Variants in FAM168B observed in about 807,000 individuals in gnomAD.
The protein encoded by FAM168B is myelin-associated neurite-outgrowth inhibitor.
A neutral mutation model predicts 21.8 loss-of-function variants in FAM168B; 19 were observed. The ratio of observed to expected loss-of-function variants is 0.87; its 90% confidence interval spans 0.61 to 1.28. The LOEUF is 1.28. Ranked by LOEUF, FAM168B falls within the 50% of genes most tolerant of loss-of-function variation. The pLI is 0.00. For synonymous variants in FAM168B, 126 were observed against 104.8 expected (o/e 1.20, Z -1.24); for missense variants, 233 against 263.1 (o/e 0.89, Z 0.79).
intron 1 of FAM168B, among the ~76,000 whole-genome samples, chr2:131,084,049 T>C (rs1693558009): frequency 6.6e-6 from 1 of 151,730 alleles, no homozygotes; most frequent in Non-Finnish European, 1.5e-5. Context: ...ACTACAGGCG[T>C]GCGCCACCAC....
chr2:131,052,213 C>CT lies in FAM168B; in HGVS notation c.*251dup. On this transcript the variant is annotated 3_prime_UTR_variant, in exon 7 of 7. Coordinates refer to ENST00000389915, the MANE Select transcript of FAM168B (RefSeq NM_001009993.4). ...ATGATTCAGAATAGATTAATACTCC[C>CT]TTTTTATCATTACAGTTAGCTAAAA... 2 of 985,790 alleles carry CT rather than the reference C, an allele frequency of 2.0e-6. No individual in the cohort carries two copies. Among genetic ancestry groups the CT allele is most frequent in the Non-Finnish European group, 2.4e-6 (2 of 829,934 alleles). The allele number at this position is 985,790 out of a possible 1,614,324, so 61.1% of individuals were successfully genotyped here. A position where few individuals can be genotyped will look rare whatever the true frequency, so the allele number is the denominator to read the frequency against.
intron 1 of FAM168B, among the ~76,000 whole-genome samples, chr2:131,085,523 A>G (rs1034178432): frequency 6.6e-6 from 1 of 152,226 alleles, no homozygotes; most frequent in African/African-American, 2.4e-5. Context: ...TTACGAAGAC[A>G]AAATACAAAA....
chr2:131,080,017 T>C (rs1693354512), intron 2 of FAM168B, among the ~76,000 whole-genome samples: 2 of 151,628 alleles, frequency 1.3e-5, no homozygotes, highest in African/African-American at 4.8e-5. Context: ...CTCAGGAGGC[T>C]GAGGCAGGAG....
intron 2 of FAM168B, among the ~76,000 whole-genome samples, chr2:131,075,593 C>T (rs531187306): frequency 5.9e-5 from 9 of 151,886 alleles, no homozygotes; most frequent in Admixed American, 5.9e-4. Flanking sequence ...CTCCTGGGTT[C>T]ACGCCATTCT....
At chr2:131,056,966 G>A (rs150384914) in intron 3 of FAM168B, among the ~76,000 whole-genome samples, 2 of 152,128 alleles carry the variant, frequency 1.3e-5, no homozygotes, top group Admixed American at 6.5e-5. Context: ...ATGTGGTGAC[G>A]GTCATACAGC....
chr2:131,067,495 C>T (rs532265988), intron 3 of FAM168B, among the ~76,000 whole-genome samples: 1 of 152,310 alleles, frequency 6.6e-6, no homozygotes, highest in Non-Finnish European at 1.5e-5. Flanking sequence ...AATCCCAACA[C>T]TTTGAGAGGT....
intron 1 of FAM168B, among the ~76,000 whole-genome samples, chr2:131,088,989 G>T (rs912033218): frequency 5.5e-5 from 8 of 145,090 alleles, no homozygotes; most frequent in African/African-American, 2.1e-4. Flanking sequence ...TTTTGAGACA[G>T]AGTTTTCACT....
chr2:131,077,309 T>C (rs910582115), intron 2 of FAM168B, among the ~76,000 whole-genome samples: 3 of 152,140 alleles, frequency 2.0e-5, no homozygotes, highest in Non-Finnish European at 2.9e-5. Flanking sequence ...CTGCATCTCT[T>C]TTCCAGAAAG....
At chr2:131,072,152 T>C (rs543143601) in intron 2 of FAM168B, among the ~76,000 whole-genome samples, 2 of 152,310 alleles carry the variant, frequency 1.3e-5, no homozygotes, top group South Asian at 2.1e-4. Flanking sequence ...AGACAGAGTT[T>C]CACTTTCATC....
intron 3 of FAM168B, among the ~76,000 whole-genome samples, chr2:131,069,310 A>G (rs1692736381): frequency 6.6e-6 from 1 of 152,274 alleles, no homozygotes; most frequent in Admixed American, 6.5e-5. Flanking sequence ...GGTCTACGGC[A>G]TGATCATCAC....
rs904270637 is a variant in FAM168B, at chr2:131,048,273, A to G, written c.*4192T>C. 7 of 1,304,176 alleles carry G rather than the reference A, an allele frequency of 5.4e-6. No homozygotes were observed. Among genetic ancestry groups the G allele is most frequent in the Admixed American group, 2.3e-5 (1 of 43,550 alleles). 80.8% of individuals were successfully genotyped at this position (1,304,176 alleles called of 1,614,324 possible). On this transcript the variant is annotated 3_prime_UTR_variant, in exon 7 of 7. Coordinates refer to ENST00000389915, the MANE Select transcript of FAM168B (RefSeq NM_001009993.4). ...CCAGCACAGCAACCCTGCTAGGAGC[A>G]CAAACGGCTGGCCTGAGATCTGGCC... is the stretch of plus-strand genomic sequence containing the variant.
At chr2:131,076,266 T>A (rs1693147803) in intron 2 of FAM168B, among the ~76,000 whole-genome samples, 2 of 152,170 alleles carry the variant, frequency 1.3e-5, no homozygotes. Context: ...ACCGTCTCCT[T>A]CAGCATCTAT....
chr2:131,064,879 T>A (rs73962904), intron 3 of FAM168B, among the ~76,000 whole-genome samples: 9,415 of 152,194 alleles, frequency 0.062, 380 homozygotes, highest in East Asian at 0.14. Flanking sequence ...AGAAGAGATC[T>A]CAACACATCG....
chr2:131,085,418 C>G (rs1048540467), intron 1 of FAM168B, among the ~76,000 whole-genome samples: 5 of 152,182 alleles, frequency 3.3e-5, no homozygotes, highest in African/African-American at 1.2e-4. Flanking sequence ...ATATCTCCAG[C>G]ATCAATAACA....
chr2:131,072,148 A>T (rs1213279146), intron 2 of FAM168B, among the ~76,000 whole-genome samples: 26 of 152,124 alleles, frequency 1.7e-4, no homozygotes. Flanking sequence ...TTTGAGACAG[A>T]GTTTCACTTT....
chr2:131,051,038 T>C lies in FAM168B; in HGVS notation c.*1427A>G. ...TCATTTCTTATGTACAAGATTCAGA[T>C]CCTAAACTCAAATTCCTCTCCCACA... On this transcript the variant is annotated 3_prime_UTR_variant, in exon 7 of 7. Coordinates refer to ENST00000389915, the MANE Select transcript of FAM168B (RefSeq NM_001009993.4). 4 of 985,372 alleles carry C rather than the reference T, an allele frequency of 4.1e-6. No homozygotes were observed. The highest frequency in any genetic ancestry group is 4.8e-6 in the Non-Finnish European group (4 of 829,978). The allele number at this position is 985,372 out of a possible 1,614,324, so 61.0% of individuals were successfully genotyped here. A position where few individuals can be genotyped will look rare whatever the true frequency, so the allele number is the denominator to read the frequency against.
intron 5 of FAM168B, among the ~76,000 whole-genome samples, chr2:131,053,355 C>T (rs1691813581): frequency 6.6e-6 from 1 of 152,102 alleles, no homozygotes; most frequent in African/African-American, 2.4e-5. Flanking sequence ...ATAGATGAAC[C>T]TTAAGAACAT....
intron 1 of FAM168B, among the ~76,000 whole-genome samples, chr2:131,083,750 T>C (rs1693537535): frequency 6.6e-6 from 1 of 152,164 alleles, no homozygotes; most frequent in Non-Finnish European, 1.5e-5. Context: ...TATAAACACC[T>C]ATGTGTATAA....
In FAM168B at chr2:131,049,973, G is replaced by T. The variant is rs945043048; in HGVS notation, c.*2492C>A. The T allele has an allele frequency of 2.0e-6, 2 of 985,338 alleles. No homozygotes were observed. Among genetic ancestry groups the T allele is most frequent in the Admixed American group, 1.2e-4 (2 of 16,256 alleles). The allele number at this position is 985,338 out of a possible 1,614,324, so 61.0% of individuals were successfully genotyped here. A position where few individuals can be genotyped will look rare whatever the true frequency, so the allele number is the denominator to read the frequency against. ...TACCTGATATCTACCTTTCGTATCT[G>T]ACAGCTGACGTCCTAAAAATTTCAA... is the stretch of plus-strand genomic sequence containing the variant. On this transcript the variant is annotated 3_prime_UTR_variant, in exon 7 of 7. Transcript: ENST00000389915.
Sources: gnomAD v4.1 joint callset for allele counts (sites outside exome capture counted in the v4.1 genomes callset) on GRCh38, gnomAD v4.1.1 for gene constraint, MANE v1.5 for transcripts, NCBI Gene and HGNC (gene_info 2026-07-23, HGNC 2026-07-21) for gene names.